Variants in DPP10 observed in about 807,000 individuals in gnomAD.
DPP10 encodes inactive dipeptidyl peptidase 10.
A neutral mutation model predicts 120.9 loss-of-function variants in DPP10; 33 were observed. The ratio of observed to expected loss-of-function variants is 0.27; its 90% CI spans 0.21 to 0.37. The LOEUF (loss-of-function observed/expected upper bound fraction) is 0.37, where lower values mean the gene tolerates loss of function less well. Ranked by LOEUF, DPP10 falls within the 10% of genes least tolerant of loss-of-function variation. The probability of loss-of-function intolerance (pLI) is 1.00; values close to 1 mark genes in which losing one functional copy is unlikely to be tolerated. For missense variants in DPP10, 816 were observed against 942.8 expected (o/e 0.87, Z 1.76); for synonymous variants, 337 against 326.1 (o/e 1.03, Z -0.36).
intron 1 of DPP10, among the ~76,000 whole-genome samples, chr2:114,624,085 G>C (rs1421527944): frequency 6.6e-6 from 1 of 151,932 alleles, no homozygotes; most frequent in Non-Finnish European, 1.5e-5. Flanking sequence ...CATTATTATT[G>C]CTCTGTGAAT....
At chr2:115,432,170 G>A (rs1033779474) in intron 3 of DPP10, among the ~76,000 whole-genome samples, 1 of 151,934 alleles carries the variant, frequency 6.6e-6, no homozygotes, top group Non-Finnish European at 1.5e-5. Context: ...TTATCTATTA[G>A]TCACCTTCCT....
chr2:114,727,437 A>G (rs527376084), intron 1 of DPP10, among the ~76,000 whole-genome samples: 11 of 152,320 alleles, frequency 7.2e-5, no homozygotes, highest in Admixed American at 2.0e-4. Context: ...ATAAGGCAGG[A>G]CTGGATGTCA....
At chr2:115,027,930 G>C (rs146369999) in intron 1 of DPP10, among the ~76,000 whole-genome samples, 4 of 151,852 alleles carry the variant, frequency 2.6e-5, no homozygotes, top group Admixed American at 6.6e-5. Context: ...ACGATTCTTT[G>C]TATTTCTGTA....
chr2:115,771,674 G>T (rs1450302691), intron 13 of DPP10, among the ~76,000 whole-genome samples: 1 of 152,040 alleles, frequency 6.6e-6, no homozygotes, highest in Non-Finnish European at 1.5e-5. Context: ...CCCTTGCTGT[G>T]CTACATGATT....
rs2105379869 is a variant in DPP10, at chr2:115,216,087, TG to T, written c.61-93149del. Among the ~76,000 whole-genome samples, 2 of 152,238 alleles carry T rather than the reference TG, an allele frequency of 1.3e-5. 1 individual carries two copies. Among genetic ancestry groups the T allele is most frequent in the South Asian group, 4.2e-4 (2 of 4,818 alleles). ...AATATCACATGTTCTCACTTATATG[TG>T]GGCGCTAAACAATGTGTACACATGG... On this transcript the variant is annotated intron_variant, in intron 1 of 25. Transcript: ENST00000410059.
At chr2:114,659,199 C>A (rs917803015) in intron 1 of DPP10, among the ~76,000 whole-genome samples, 1 of 152,126 alleles carries the variant, frequency 6.6e-6, no homozygotes, top group African/African-American at 2.4e-5. Context: ...TTCCCTATTG[C>A]AGCATGAAAA....
chr2:115,840,673 C>G lies in DPP10; in HGVS notation c.2183-77C>G, dbSNP rs112996730. 2.6e-3 allele frequency: 3,753 copies of G among 1,433,800 alleles called. 77 individuals are homozygous for G. The African/African-American group carries it at 0.042, about 16-fold the overall frequency. The allele number at this position is 1,433,800 out of a possible 1,614,324, so 88.8% of individuals were successfully genotyped here. The stretch of plus-strand genomic sequence containing the variant: ...ATGTATGTAAAATAAAACACTGAAT[C>G]TCTTTGAAAAATAATATGAAAAAGT... On this transcript the variant is annotated intron_variant, in intron 24 of 25. Coordinates refer to ENST00000410059, the MANE Select transcript of DPP10 (RefSeq NM_020868.6).
At chr2:114,512,620 C>A (rs1017647407) in intron 1 of DPP10, among the ~76,000 whole-genome samples, 1 of 152,240 alleles carries the variant, frequency 6.6e-6, no homozygotes, top group African/African-American at 2.4e-5. Context: ...CCTCTCCTGG[C>A]ACAATGCTAC....
In DPP10 at chr2:115,842,435, C is replaced by A. The variant is rs1690251054; in HGVS notation, c.*90C>A. 8 of 1,466,344 alleles carry A rather than the reference C, an allele frequency of 5.5e-6. No homozygotes were observed. Among genetic ancestry groups the A allele is most frequent in the Non-Finnish European group, 7.3e-6 (8 of 1,089,854 alleles). 90.8% of individuals were successfully genotyped at this position (1,466,344 alleles called of 1,614,324 possible). ...TAATATTGTAGTTGCTCCAGAATGT[C>A]AAGGGCAGCTTACGGAGATGTCACT... On this transcript the variant is annotated 3_prime_UTR_variant, in exon 26 of 26. Transcript: ENST00000410059.
chr2:115,644,733 T>C (rs1245838841), intron 5 of DPP10, among the ~76,000 whole-genome samples: 6 of 151,960 alleles, frequency 3.9e-5, no homozygotes, highest in Non-Finnish European at 5.9e-5. Flanking sequence ...CAGCAAGCTA[T>C]GATTGAGCCA....
In DPP10 at chr2:115,416,134, A is replaced by G. The variant is rs74334268; in HGVS notation, c.271+72222A>G. Among the ~76,000 whole-genome samples the G allele has an allele frequency of 3.3e-3, 501 of 152,136 alleles. 3 individuals carry two copies. Among genetic ancestry groups the G allele is most frequent in the Non-Finnish European group, 6.3e-3 (427 of 67,990 alleles). On this transcript the variant is annotated intron_variant, in intron 3 of 25. Transcript: ENST00000410059. ...TTGAAATTATATTTTGCTGTTTGCA[A>G]TTAAGATGCACTGCAGAATATGTTG... is the stretch of plus-strand genomic sequence containing the variant.
chr2:114,658,778 G>A (rs1415766278), intron 1 of DPP10, among the ~76,000 whole-genome samples: 2 of 152,158 alleles, frequency 1.3e-5, no homozygotes, highest in South Asian at 2.1e-4. Context: ...GTGATTGAAT[G>A]TAATTATTAT....
chr2:115,264,882 T>G (rs148560842), intron 1 of DPP10, among the ~76,000 whole-genome samples: 1 of 152,140 alleles, frequency 6.6e-6, no homozygotes, highest in Admixed American at 6.5e-5. Context: ...TAATAGTACA[T>G]GAAAGGAAAT....
chr2:114,603,674 G>A, intron 1 of DPP10, among the ~76,000 whole-genome samples: 1 of 152,024 alleles, frequency 6.6e-6, no homozygotes, highest in Non-Finnish European at 1.5e-5. Flanking sequence ...TGGAGGATGG[G>A]GCGGTAAACT....
chr2:115,394,198 A>G lies in DPP10; in HGVS notation c.271+50286A>G, dbSNP rs546097434. On this transcript the variant is annotated intron_variant, in intron 3 of 25. Coordinates refer to ENST00000410059, the MANE Select transcript of DPP10 (RefSeq NM_020868.6). ...CAGATTTTCATTTTTTTAAACTTGG[A>G]TTTGAAACTAGTAGAGCCTTAGTGT... is the stretch of plus-strand genomic sequence containing the variant. Among the ~76,000 whole-genome samples the G allele has an allele frequency of 2.2e-4, 33 of 152,252 alleles. No individual in the cohort carries two copies. The South Asian group carries it at 6.9e-3, about 32-fold the overall frequency.
At chr2:115,275,149 C>T (rs2059859437) in intron 1 of DPP10, among the ~76,000 whole-genome samples, 1 of 152,166 alleles carries the variant, frequency 6.6e-6, no homozygotes, top group Non-Finnish European at 1.5e-5. Flanking sequence ...TCATGCAGGG[C>T]ATTTCACAAA....
chr2:115,843,911 T>C lies in DPP10; in HGVS notation c.*1566T>C, dbSNP rs899713250. 6.6e-6 allele frequency: 1 copy of C among 152,590 alleles called. No homozygotes were observed. The highest frequency in any genetic ancestry group is 2.4e-5 in the African/African-American group (1 of 41,462). The allele number at this position is 152,590 out of a possible 1,614,324, so 9.5% of individuals were successfully genotyped here. On this transcript the variant is annotated 3_prime_UTR_variant, in exon 26 of 26. Transcript: ENST00000410059. ...AACTTATGGCATCAGGAGGAAACTTTAAAATATCAAGGAATCACTCAGTCA... is the reference window on the plus strand; with the variant it reads ...AACTTATGGCATCAGGAGGAAACTTCAAAATATCAAGGAATCACTCAGTCA...
Position 115,689,702 on chromosome 2 carries a change from T to C in DPP10, c.457T>C (p.Tyr153His), listed in dbSNP as rs777476010. 6.3e-6 allele frequency: 10 copies of C among 1,576,178 alleles called. No homozygotes were observed. Among genetic ancestry groups the C allele is most frequent in the Non-Finnish European group, 6.9e-6 (8 of 1,152,974 alleles). Residue 153 changes from tyrosine to histidine, a missense_variant, in exon 6 of 26, where the codon TAT (tyrosine) becomes CAT (histidine). By Grantham distance (83) the Tyr-to-His change is moderately conservative. Coordinates refer to ENST00000410059, the MANE Select transcript of DPP10 (RefSeq NM_020868.6). ...YDVKQIFHYS[Y>H]TASYVIYNIH... ...TTAATTTCAGATTTTTCATTATTCGTATACTGCTTCATATGTGATTTACAA... is the reference window on the plus strand; with the variant it reads ...TTAATTTCAGATTTTTCATTATTCGCATACTGCTTCATATGTGATTTACAA...
chr2:114,948,400 C>T (rs976274090), intron 1 of DPP10, among the ~76,000 whole-genome samples: 2 of 151,524 alleles, frequency 1.3e-5, no homozygotes, highest in South Asian at 4.2e-4. Flanking sequence ...CTTATTTTAC[C>T]CTTATATAGT....
Sources: allele counts gnomAD v4.1 joint callset (sites outside exome capture counted in the v4.1 genomes callset), GRCh38; gene constraint gnomAD v4.1.1; transcripts MANE v1.5; gene names NCBI Gene and HGNC (gene_info 2026-07-23, HGNC 2026-07-21).